The following VLDLR variants were observed in gnomAD, a reference collection of about 807,000 sequenced individuals.
VLDLR encodes the protein very low density lipoprotein receptor.
A neutral mutation model predicts 112.7 loss-of-function variants in VLDLR; 81 were observed. The ratio of observed to expected loss-of-function variants is 0.72; its 90% CI spans 0.60 to 0.86. The LOEUF is 0.86. VLDLR is among the 40% of genes least tolerant of loss of function. The probability of loss-of-function intolerance (pLI) is 0.00; values close to 1 mark genes in which losing one functional copy is unlikely to be tolerated. For synonymous variants in VLDLR, 436 were observed against 384.8 expected (o/e 1.13, Z -1.56); for missense variants, 1,237 against 1,099.4 (o/e 1.13, Z -1.77).
At position 2,651,972 on chromosome 9, in the gene VLDLR, A is replaced by G; in HGVS notation, c.2416+18A>G. The stretch of plus-strand genomic sequence containing the variant: ...TCCTCTCTGTAAGTAGATTTCCTAC[A>G]AGTCTGGGTTCAAGAACTTCTTAGA... On this transcript the variant is annotated intron_variant, in intron 17 of 18. Coordinates refer to ENST00000382100, the MANE Select transcript of VLDLR (RefSeq NM_003383.5). 1.2e-6 allele frequency: 2 copies of G among 1,613,498 alleles called. No individual in the cohort carries two copies. The highest frequency in any genetic ancestry group is 1.7e-6 in the Non-Finnish European group (2 of 1,179,544).
chr9:2,631,424 A>G (rs758681171), intron 1 of VLDLR, among the ~76,000 whole-genome samples: 10 of 152,216 alleles, frequency 6.6e-5, no homozygotes, highest in East Asian at 1.9e-4. Context: ...ATGCCCATCA[A>G]TAATGAAAGG....
At position 2,643,832 on chromosome 9, in the gene VLDLR, T is replaced by C. The variant is rs35782329; in HGVS notation, c.944-5T>C. 8,883 of 1,614,170 alleles carry C rather than the reference T, an allele frequency of 5.5e-3. 446 individuals carry two copies. In the African/African-American group the frequency reaches 0.1, roughly 18 times the overall value. On this transcript the variant is annotated splice_region_variant and splice_polypyrimidine_tract_variant and intron_variant, in intron 6 of 18. Transcript: ENST00000382100. ...GGAATCTCTCTTCTTTGTTTCTCTT[T>C]GTAGTCAATCAGTGCTTGGGCCCTG... is the stretch of plus-strand genomic sequence containing the variant.
rs750769606 is a variant in VLDLR at position 2,648,300 on chromosome 9, A to G, written c.1915A>G (p.Lys639Glu). The change falls in exon 13 of 19, where the codon AAG (lysine) becomes GAG (glutamate). Residue 639 changes from lysine (K) to glutamate (E), a missense_variant. By Grantham distance (56) the Lys-to-Glu change is moderately conservative. Coordinates refer to ENST00000382100, the MANE Select transcript of VLDLR (RefSeq NM_003383.5). Reference protein sequence around the residue: ...LNGQDRRIVLKSLEFLAHPLA... With the variant: ...LNGQDRRIVLESLEFLAHPLA... ...TGGCCAAGATCGTAGGATAGTACTAAAGTCTCTGGAGTTCCTAGCTCATCC... is the reference window on the plus strand; with the variant it reads ...TGGCCAAGATCGTAGGATAGTACTAGAGTCTCTGGAGTTCCTAGCTCATCC... The G allele has an allele frequency of 1.2e-6, 2 of 1,614,196 alleles. No individual in the cohort carries two copies. Among genetic ancestry groups the G allele is most frequent in the South Asian group, 1.1e-5 (1 of 91,082 alleles).
In VLDLR at chr9:2,644,954, C is replaced by G. The variant is rs11789583; in HGVS notation, c.1187-3C>G. 17 of 1,613,982 alleles carry G rather than the reference C, an allele frequency of 1.1e-5. No homozygotes were observed. The highest frequency in any genetic ancestry group is 1.4e-5 in the Non-Finnish European group (17 of 1,179,978). Reference sequence around the variant, plus strand: ...GCAAGACTAATTCTGATTTCCCTCCCAGATATTGATGAATGCCAAAATCCA... The same window carrying G: ...GCAAGACTAATTCTGATTTCCCTCCGAGATATTGATGAATGCCAAAATCCA... On this transcript the variant is annotated splice_region_variant and splice_polypyrimidine_tract_variant and intron_variant, in intron 8 of 18. Coordinates refer to ENST00000382100, the MANE Select transcript of VLDLR (RefSeq NM_003383.5).
rs926585216 is a variant in VLDLR, at chr9:2,656,976, G to T, written c.*3108G>T. On this transcript the variant is annotated 3_prime_UTR_variant, in exon 19 of 19. Coordinates refer to ENST00000382100, the MANE Select transcript of VLDLR (RefSeq NM_003383.5). Reference sequence around the variant, plus strand: ...AAAAAAAAAAAAAAAAAAAATTGAGGCTTTCACTTTGGCATTTGCTTCTGT... The same window carrying T: ...AAAAAAAAAAAAAAAAAAAATTGAGTCTTTCACTTTGGCATTTGCTTCTGT... The T allele has an allele frequency of 5.5e-5, 8 of 145,590 alleles. No individual in the cohort carries two copies. Among genetic ancestry groups the T allele is most frequent in the African/African-American group, 2.0e-4 (8 of 39,538 alleles). The allele number at this position is 145,590 out of a possible 1,614,324, so 9.0% of individuals were successfully genotyped here.
rs1211240272 is a variant in VLDLR, at chr9:2,639,375, A to G, written c.203-484A>G. The stretch of plus-strand genomic sequence containing the variant: ...GACTTAATTACCTCCCAGAGGCCCT[A>G]CCTCCTAATAACATCATGTTAGGGG... On this transcript the variant is annotated intron_variant, in intron 2 of 18. Transcript: ENST00000382100. 1.6e-4 allele frequency among the ~76,000 whole-genome samples: 25 copies of G among 152,038 alleles called. 1 individual carries two copies. Among genetic ancestry groups the G allele is most frequent in the Non-Finnish European group, 7.4e-5 (5 of 67,992 alleles).
rs754939323 is a variant in VLDLR at position 2,643,935 on chromosome 9, A to C, written c.1042A>C (p.Ser348Arg). Residue 348 changes from serine to arginine, a missense_variant, in exon 7 of 19, where the codon AGT (serine) becomes CGT (arginine). Ser to Arg is a moderately radical substitution (Grantham distance 110). Coordinates refer to ENST00000382100, the MANE Select transcript of VLDLR (RefSeq NM_003383.5). The part of the protein sequence containing the change: ...CNQEQDCRDW[S>R]DEPLKECHIN... ...CCAGGAGCAGGACTGCAGGGACTGG[A>C]GTGATGAGCCCCTGAAAGAGTGTCG... 9.3e-6 allele frequency: 15 copies of C among 1,613,968 alleles called. No homozygotes were observed. The highest frequency in any genetic ancestry group is 1.3e-5 in the Non-Finnish European group (15 of 1,180,020).
At position 2,647,537 on chromosome 9, in the gene VLDLR, C is replaced by T. The variant is rs765216958; in HGVS notation, c.1767C>T (p.Phe589=). 1.2e-5 allele frequency: 19 copies of T among 1,613,972 alleles called. No homozygotes were observed. Among genetic ancestry groups the T allele is most frequent in the South Asian group, 9.9e-5 (9 of 91,082 alleles). The stretch of plus-strand genomic sequence containing the variant: ...TAGAAAAAGCAGGAATGAATGGATT[C>T]GATAGACGTCCACTGGTGACAGCGG... ...AKIEKAGMNG[F]DRRPLVTADI... The change falls in exon 12 of 19, where the codon TTC becomes TTT. Residue 589 remains phenylalanine, a synonymous_variant. Coordinates refer to ENST00000382100, the MANE Select transcript of VLDLR (RefSeq NM_003383.5).
chr9:2,622,766 G>A (rs559658073), intron 1 of VLDLR, among the ~76,000 whole-genome samples: 15 of 152,252 alleles, frequency 9.9e-5, no homozygotes, highest in Admixed American at 9.1e-4. Flanking sequence ...GGGGCCGGCC[G>A]GGCTTCAGAG....
rs1370783427 is a variant in VLDLR, at chr9:2,630,897, G to A, written c.83-4556G>A. 3.3e-5 allele frequency among the ~76,000 whole-genome samples: 5 copies of A among 152,248 alleles called. No homozygotes were observed. In the East Asian group the frequency reaches 5.8e-4, roughly 18 times the overall value. On this transcript the variant is annotated intron_variant, in intron 1 of 18. Transcript: ENST00000382100. ...TCAACAAAGTGAAGAACAACCTGCCGAATGGGAGAAAATATTTGCAAACTA... is the reference window on the plus strand; with the variant it reads ...TCAACAAAGTGAAGAACAACCTGCCAAATGGGAGAAAATATTTGCAAACTA...
At chr9:2,631,595 A>T (rs556242067) in intron 1 of VLDLR, among the ~76,000 whole-genome samples, 45 of 152,284 alleles carry the variant, frequency 3.0e-4, no homozygotes, top group Admixed American at 1.4e-3. Flanking sequence ...TCTCAATCGT[A>T]TGTGGAAGCT....
At chr9:2,630,637 G>A (rs1817308045) in intron 1 of VLDLR, among the ~76,000 whole-genome samples, 1 of 152,196 alleles carries the variant, frequency 6.6e-6, no homozygotes, top group South Asian at 2.1e-4. Flanking sequence ...TTACTCGAAG[G>A]CCTATGCAGT....
At chr9:2,651,779 T>C (rs1818355664) in intron 16 of VLDLR, 95 bp from the exon 17 acceptor site, 2 of 1,331,520 alleles carry the variant, frequency 1.5e-6, no homozygotes, top group Admixed American at 1.7e-5. Flanking sequence ...TGAACATCAA[T>C]ATTGGATGCA....
At position 2,643,512 on chromosome 9, in the gene VLDLR, C is replaced by T. The variant is rs886733227; in HGVS notation, c.801C>T (p.Gly267=). ...RCDGDPDCKD[G]SDEVNCPSRT... ...ATGGGGACCCTGACTGCAAGGATGG[C>T]AGTGATGAGGTCAACTGTCGTAAGT... The change falls in exon 5 of 19, where the codon GGC becomes GGT. Residue 267 remains glycine, a synonymous_variant. Coordinates refer to ENST00000382100, the MANE Select transcript of VLDLR (RefSeq NM_003383.5). The T allele has an allele frequency of 6.2e-7, 1 of 1,614,100 alleles. No individual in the cohort carries two copies. Among genetic ancestry groups the T allele is most frequent in the East Asian group, 2.2e-5 (1 of 44,896 alleles).
intron 1 of VLDLR, among the ~76,000 whole-genome samples, chr9:2,634,564 A>G (rs1198336698): frequency 6.6e-6 from 1 of 152,344 alleles, no homozygotes; most frequent in East Asian, 1.9e-4. Flanking sequence ...CAACTGTCCC[A>G]CTTAGAAGTC....
At chr9:2,645,338 C>CGT (rs1818021230) in intron 9 of VLDLR, among the ~76,000 whole-genome samples, 1 of 152,320 alleles carries the variant, frequency 6.6e-6, no homozygotes. Flanking sequence ...GAGTCCAACT[C>CGT]AAACAAGTGA....
In VLDLR at chr9:2,643,757, G is replaced by T. The variant is rs1222494648; in HGVS notation, c.943+7G>T. Reference sequence around the variant, plus strand: ...GAAGTCAACTGCAAAAATGGTAAGGGTTTCTTCTTGTTGGTTAAGCAATGG... The same window carrying T: ...GAAGTCAACTGCAAAAATGGTAAGGTTTTCTTCTTGTTGGTTAAGCAATGG... On this transcript the variant is annotated splice_region_variant and intron_variant, in intron 6 of 18. Transcript: ENST00000382100. 2.5e-6 allele frequency: 4 copies of T among 1,614,108 alleles called. No individual in the cohort carries two copies. Among genetic ancestry groups the T allele is most frequent in the South Asian group, 2.2e-5 (2 of 91,088 alleles).
At chr9:2,624,418 G>A (rs1295056081) in intron 1 of VLDLR, among the ~76,000 whole-genome samples, 2 of 152,140 alleles carry the variant, frequency 1.3e-5, no homozygotes, top group East Asian at 1.9e-4. Flanking sequence ...CAATACTCCT[G>A]GACAAGACAG....
Position 2,635,763 on chromosome 9 carries a change from G to T in VLDLR, c.202+191G>T, listed in dbSNP as rs538106928. Among the ~76,000 whole-genome samples, 3 of 152,324 alleles carry T rather than the reference G, an allele frequency of 2.0e-5. No individual in the cohort carries two copies. The East Asian group carries it at 5.8e-4, about 29-fold the overall frequency. On this transcript the variant is annotated intron_variant, in intron 2 of 18. Transcript: ENST00000382100. ...ATCAACTTGAGAATGGAATGATAAG[G>T]TGATGTTCCATTTAAATGACAGGAC...
Sources: gnomAD v4.1 joint callset for allele counts (sites outside exome capture counted in the v4.1 genomes callset) on GRCh38, gnomAD v4.1.1 for gene constraint, MANE v1.5 for transcripts, NCBI Gene and HGNC (gene_info 2026-07-23, HGNC 2026-07-21) for gene names.